The following SAMMSON variants were observed in gnomAD, a reference collection of about 807,000 sequenced individuals.
The protein encoded by SAMMSON is long intergenic non-protein coding RNA 1212.
chr3:70,132,413 T>C (rs1172803714), intron 4 of SAMMSON, among the ~76,000 whole-genome samples: 1 of 152,200 alleles, frequency 6.6e-6, no homozygotes, highest in African/African-American at 2.4e-5. Flanking sequence ...GCTGTGTACA[T>C]GTTAGCCTAC....
At chr3:70,246,366 T>C (rs1364623393) in intron 4 of SAMMSON, among the ~76,000 whole-genome samples, 1 of 152,110 alleles carries the variant, frequency 6.6e-6, no homozygotes, top group East Asian at 1.9e-4. Flanking sequence ...TGAACAACAC[T>C]GCTGTTGTAA....
chr3:70,027,137 A>T (rs1286511799), intron 3 of SAMMSON, among the ~76,000 whole-genome samples: 1 of 152,240 alleles, frequency 6.6e-6, no homozygotes, highest in East Asian at 1.9e-4. Flanking sequence ...TTTGAGGTTG[A>T]GTGTTCATAA....
intron 7 of SAMMSON, among the ~76,000 whole-genome samples, chr3:70,350,543 T>C (rs1702786768): frequency 6.6e-6 from 1 of 152,102 alleles, no homozygotes; most frequent in Non-Finnish European, 1.5e-5. Context: ...TAATTCCATA[T>C]ATAATATTTT....
At chr3:70,306,770 TC>T (rs959255503) in intron 7 of SAMMSON, among the ~76,000 whole-genome samples, 12 of 152,106 alleles carry the variant, frequency 7.9e-5, no homozygotes, top group Non-Finnish European at 1.6e-4. Flanking sequence ...GAATAAAATG[TC>T]CCACTAAAAC....
chr3:70,039,404 T>C (rs1326724155), intron 3 of SAMMSON, among the ~76,000 whole-genome samples: 1 of 151,990 alleles, frequency 6.6e-6, no homozygotes, highest in African/African-American at 2.4e-5. Flanking sequence ...ACCCAGTCAG[T>C]TGAAGACTTG....
intron 4 of SAMMSON, among the ~76,000 whole-genome samples, chr3:70,092,445 C>G (rs896308299): frequency 7.1e-5 from 1 of 14,116 alleles, no homozygotes; most frequent in African/African-American, 2.6e-4. Context: ...CAAACTCATG[C>G]TGTTTTTTTT....
chr3:70,009,201 T>G (rs976318935), intron 1 of SAMMSON: 2 of 152,268 alleles, frequency 1.3e-5, no homozygotes, highest in African/African-American at 4.8e-5. Context: ...TTGGAATAGT[T>G]TCAGAAGGAA....
At chr3:70,311,038 C>T (rs1702449451) in intron 7 of SAMMSON, among the ~76,000 whole-genome samples, 1 of 152,172 alleles carries the variant, frequency 6.6e-6, no homozygotes, top group South Asian at 2.1e-4. Flanking sequence ...TATCAATAAA[C>T]ATTGTCAATG....
chr3:70,264,627 T>C (rs78468247), intron 6 of SAMMSON, among the ~76,000 whole-genome samples: 20,566 of 152,284 alleles, frequency 0.14, 1,514 homozygotes, highest in East Asian at 0.23. Flanking sequence ...AACAAATGTT[T>C]ACTGAGCACT....
chr3:70,357,717 T>A (rs189020695), intron 8 of SAMMSON, among the ~76,000 whole-genome samples: 5 of 151,898 alleles, frequency 3.3e-5, no homozygotes, highest in African/African-American at 7.2e-5. Context: ...AATAAAATTT[T>A]AAAAAAAGAA....
At chr3:70,183,562 C>T (rs1389946056) in intron 4 of SAMMSON, 1 of 152,196 alleles carries the variant, frequency 6.6e-6, no homozygotes, top group Non-Finnish European at 1.5e-5. Context: ...AACTGGTCCT[C>T]TGACTTAACT....
intron 6 of SAMMSON, among the ~76,000 whole-genome samples, chr3:70,258,058 A>G (rs1396439769): frequency 6.6e-6 from 1 of 152,216 alleles, no homozygotes; most frequent in African/African-American, 2.4e-5. Context: ...AGATGGTGCT[A>G]GAAGAACATC....
intron 4 of SAMMSON, among the ~76,000 whole-genome samples, chr3:70,239,534 C>T (rs1218085152): frequency 6.6e-6 from 1 of 152,054 alleles, no homozygotes; most frequent in East Asian, 1.9e-4. Context: ...CTAGGGAGTA[C>T]ATTACTATAA....
chr3:70,272,782 G>A (rs961145005), intron 6 of SAMMSON, among the ~76,000 whole-genome samples: 2 of 152,050 alleles, frequency 1.3e-5, no homozygotes, highest in Admixed American at 6.5e-5. Flanking sequence ...TTCCTCCATT[G>A]GAAAGCATAA....
chr3:70,361,102 A>C (rs974509562), intron 9 of SAMMSON, among the ~76,000 whole-genome samples: 8 of 152,122 alleles, frequency 5.3e-5, no homozygotes, highest in Middle Eastern at 3.2e-3. Context: ...GCTAAGATGG[A>C]AACTGTAATC....
At chr3:70,020,612 G>C (rs1309126764) in intron 3 of SAMMSON, among the ~76,000 whole-genome samples, 3 of 152,104 alleles carry the variant, frequency 2.0e-5, no homozygotes, top group African/African-American at 7.2e-5. Flanking sequence ...ATACTCCACA[G>C]CTTTCATCCA....
intron 2 of SAMMSON, among the ~76,000 whole-genome samples, chr3:70,405,175 C>T (rs917189353): frequency 5.3e-5 from 8 of 152,062 alleles, no homozygotes; most frequent in Non-Finnish European, 1.0e-4. Context: ...TAAGGGTCAC[C>T]ACATAATAGT....
intron 4 of SAMMSON, among the ~76,000 whole-genome samples, chr3:70,155,515 A>G (rs1022205551): frequency 6.6e-6 from 1 of 152,088 alleles, no homozygotes; most frequent in African/African-American, 2.4e-5. Flanking sequence ...TATGTTGAAG[A>G]AGCATTAATG....
intron 7 of SAMMSON, among the ~76,000 whole-genome samples, chr3:70,308,133 CCTCAACCTCCCAGG>C (rs1702420304): frequency 6.6e-6 from 1 of 152,168 alleles, no homozygotes; most frequent in Non-Finnish European, 1.5e-5. Context: ...CTCACTGCAG[CCTCAACCTCCCAGG>C]CTCAAGCAAT....
Sources: gnomAD v4.1 joint callset for allele counts (sites outside exome capture counted in the v4.1 genomes callset) on GRCh38, gnomAD v4.1.1 for gene constraint, MANE v1.5 for transcripts, NCBI Gene and HGNC (gene_info 2026-07-23, HGNC 2026-07-21) for gene names.